LPP: variants seen among roughly 807,000 people sequenced by gnomAD.
LPP encodes LIM domain containing preferred translocation partner in lipoma.
In LPP, 38 loss-of-function variants were observed where a neutral mutation model predicts 60.4. The ratio of observed to expected loss-of-function variants is 0.63; its 90% CI spans 0.49 to 0.83. The LOEUF is 0.83. LPP is among the 40% of genes least tolerant of loss of function. The pLI is 0.00. For synonymous variants in LPP, 328 were observed against 290.8 expected, an observed-to-expected ratio of 1.13 and a Z score of -1.30; for missense variants, 902 against 783.6, an observed-to-expected ratio of 1.15 and a Z score of -1.80.
At chr3:188,440,199 C>G (rs1578902948) in intron 4 of LPP, among the ~76,000 whole-genome samples, 1 of 152,160 alleles carries the variant, frequency 6.6e-6, no homozygotes, top group African/African-American at 2.4e-5. Context: ...AGATGAATGA[C>G]AGCTGTTTAG....
intron 4 of LPP, among the ~76,000 whole-genome samples, chr3:188,431,086 A>G (rs1009793413): frequency 2.0e-5 from 3 of 152,152 alleles, no homozygotes; most frequent in African/African-American, 7.2e-5. Flanking sequence ...TATATTGAAT[A>G]TGATTCAGAT....
chr3:188,800,535 A>G (rs55813567), intron 9 of LPP, among the ~76,000 whole-genome samples: 3,312 of 152,082 alleles, frequency 0.022, 81 homozygotes, highest in African/African-American at 0.053. Flanking sequence ...GTGAGCCACC[A>G]CACCCGGCCA....
chr3:188,358,490 G>T (rs907263058), intron 3 of LPP, among the ~76,000 whole-genome samples: 8 of 152,300 alleles, frequency 5.3e-5, no homozygotes, highest in African/African-American at 1.7e-4. Context: ...GAAGAAAAAA[G>T]AACTATTATT....
chr3:188,652,237 G>A (rs1056565136), intron 7 of LPP, among the ~76,000 whole-genome samples: 2 of 152,190 alleles, frequency 1.3e-5, no homozygotes, highest in African/African-American at 4.8e-5. Context: ...TGCTGCCAGT[G>A]GAAGTAATAG....
At chr3:188,454,971 G>A (rs1024957953) in intron 4 of LPP, among the ~76,000 whole-genome samples, 5 of 152,132 alleles carry the variant, frequency 3.3e-5, no homozygotes, top group Non-Finnish European at 5.9e-5. Flanking sequence ...AATGTTATTC[G>A]AAAGCCAACT....
chr3:188,695,787 C>G (rs1255087736), intron 7 of LPP, among the ~76,000 whole-genome samples: 2 of 152,236 alleles, frequency 1.3e-5, no homozygotes, highest in Admixed American at 6.5e-5. Flanking sequence ...TGGTCTCCAG[C>G]TTCTGGTCTA....
At chr3:188,845,013 T>A (rs906280237) in intron 9 of LPP, among the ~76,000 whole-genome samples, 3 of 152,242 alleles carry the variant, frequency 2.0e-5, no homozygotes, top group African/African-American at 7.2e-5. Context: ...CAATCTTTAC[T>A]GAGGCGCAGA....
intron 6 of LPP, among the ~76,000 whole-genome samples, chr3:188,605,090 C>T (rs529408817): frequency 2.6e-4 from 40 of 152,250 alleles, no homozygotes; most frequent in Admixed American, 8.5e-4. Flanking sequence ...ATTCCCCTAA[C>T]CTGTTGAAGA....
chr3:188,720,394 C>T (rs1715848927), intron 8 of LPP, among the ~76,000 whole-genome samples: 1 of 152,122 alleles, frequency 6.6e-6, no homozygotes, highest in African/African-American at 2.4e-5. Context: ...TCACAACTGG[C>T]AGTGGAAAAT....
At chr3:188,389,854 T>C (rs1779288677) in intron 3 of LPP, among the ~76,000 whole-genome samples, 1 of 151,088 alleles carries the variant, frequency 6.6e-6, no homozygotes, top group Non-Finnish European at 1.5e-5. Context: ...GGGTGAGTTG[T>C]TGCCTGAATC....
chr3:188,708,653 T>C (rs113718783), intron 8 of LPP: 36 of 557,588 alleles, frequency 6.5e-5, no homozygotes, highest in East Asian at 8.4e-5. Flanking sequence ...TTGAGACTTA[T>C]TTTTTACCAG....
At chr3:188,485,479 G>C (rs2149682330) in intron 5 of LPP, among the ~76,000 whole-genome samples, 1 of 152,318 alleles carries the variant, frequency 6.6e-6, no homozygotes, top group African/African-American at 2.4e-5. Flanking sequence ...TTGTCTTTCA[G>C]AGAAACATTG....
At chr3:188,154,361 C>G (rs1295867495) in intron 1 of LPP, among the ~76,000 whole-genome samples, 109 bp downstream of exon 1, 1 of 152,070 alleles carries the variant, frequency 6.6e-6, no homozygotes, top group Admixed American at 6.5e-5. Context: ...GCGCAGGGCG[C>G]GCGCCCTGCT....
At chr3:188,649,320 A>G (rs1007526698) in intron 7 of LPP, among the ~76,000 whole-genome samples, 1 of 152,334 alleles carries the variant, frequency 6.6e-6, no homozygotes, top group African/African-American at 2.4e-5. Flanking sequence ...CAAGCCAAAG[A>G]AAAATATATC....
At chr3:188,159,194 C>T (rs777119277) in intron 1 of LPP, among the ~76,000 whole-genome samples, 31 of 152,140 alleles carry the variant, frequency 2.0e-4, no homozygotes, top group Non-Finnish European at 3.4e-4. Context: ...CTCACGGCTC[C>T]GGTAACGGTG....
intron 7 of LPP, among the ~76,000 whole-genome samples, chr3:188,694,450 C>T (rs1218891443): frequency 2.6e-5 from 4 of 152,104 alleles, no homozygotes; most frequent in African/African-American, 9.7e-5. Flanking sequence ...TGCCTGTAAT[C>T]CCAGCACTTT....
intron 7 of LPP, among the ~76,000 whole-genome samples, chr3:188,705,176 C>T (rs1865243034): frequency 6.6e-6 from 1 of 152,176 alleles, no homozygotes; most frequent in African/African-American, 2.4e-5. Flanking sequence ...AAGTGAAAGT[C>T]CCCTAAGATT....
chr3:188,889,411 A>C lies in LPP; in HGVS notation c.*14932A>C. ...ATGATTCCAAAAAAGATCGTTCTCA[A>C]TGTGTCGTCTGACTCAACCAGCTGG... On this transcript the variant is annotated 3_prime_UTR_variant, in exon 12 of 12. Transcript: ENST00000617246. 1 of 231,882 alleles carries C rather than the reference A, an allele frequency of 4.3e-6. No individual in the cohort carries two copies. Among genetic ancestry groups the C allele is most frequent in the Non-Finnish European group, 8.5e-6 (1 of 117,110 alleles). The allele number at this position is 231,882 out of a possible 1,614,324, so 14.4% of individuals were successfully genotyped here. A position where few individuals can be genotyped will look rare whatever the true frequency, so the allele number is the denominator to read the frequency against.
chr3:188,441,761 C>T (rs1183742436), intron 4 of LPP, among the ~76,000 whole-genome samples: 2 of 151,584 alleles, frequency 1.3e-5, no homozygotes, highest in Non-Finnish European at 2.9e-5. Context: ...GTTGGTACTA[C>T]AGGCGCCCGC....
Sources: gnomAD v4.1 joint callset for allele counts (sites outside exome capture counted in the v4.1 genomes callset) on GRCh38, gnomAD v4.1.1 for gene constraint, MANE v1.5 for transcripts, NCBI Gene and HGNC (gene_info 2026-07-23, HGNC 2026-07-21) for gene names.